PIGZ: variants seen among roughly 807,000 people sequenced by gnomAD.
The protein encoded by PIGZ is GPI alpha-1,2-mannosyltransferase 4.
In PIGZ, 16 loss-of-function variants were observed where a neutral mutation model predicts 16.4. That is an observed-to-expected ratio of 0.97 (90% CI 0.66 to 1.48). The LOEUF is 1.48. Ranked by LOEUF, PIGZ falls within the 40% of genes most tolerant of loss-of-function variation. The probability of loss-of-function intolerance (pLI) is 0.00; values close to 1 mark genes in which losing one functional copy is unlikely to be tolerated. For synonymous variants in PIGZ, 409 were observed against 338.4 expected (o/e 1.21, Z -2.29); for missense variants, 770 against 739.2 (o/e 1.04, Z -0.48).
chr3:196,967,052 C>T (rs1367242870), intron 1 of PIGZ, among the ~76,000 whole-genome samples: 1 of 151,716 alleles, frequency 6.6e-6, no homozygotes, highest in Non-Finnish European at 1.5e-5. Flanking sequence ...GGGCAAGCAG[C>T]AGGGAGAGAC....
Position 196,948,228 on chromosome 3 carries a change from G to A in PIGZ, c.669C>T (p.Gly223=), listed in dbSNP as rs761692406. The change falls in exon 3 of 3, where the codon GGC becomes GGT. Residue 223 remains glycine, a synonymous_variant. Transcript: ENST00000412723. ...SWLLGGIVAA[G]FFNRPTFLAF... ...CCAGAAAGGTGGGCCGGTTGAAGAAGCCAGCAGCCACAATGCCTCCAAGAA... is the reference window on the plus strand; with the variant it reads ...CCAGAAAGGTGGGCCGGTTGAAGAAACCAGCAGCCACAATGCCTCCAAGAA... 6.2e-7 allele frequency: 1 copy of A among 1,614,156 alleles called. No homozygotes were observed. Among genetic ancestry groups the A allele is most frequent in the Non-Finnish European group, 8.5e-7 (1 of 1,180,024 alleles).
intron 1 of PIGZ, among the ~76,000 whole-genome samples, chr3:196,958,596 A>T (rs1284249570): frequency 2.0e-5 from 3 of 152,258 alleles, no homozygotes; most frequent in African/African-American, 7.2e-5. Context: ...GCGCCACTGC[A>T]CTCCAGCCTG....
At chr3:196,953,104 C>T (rs2108905789) in intron 1 of PIGZ, among the ~76,000 whole-genome samples, 1 of 152,332 alleles carries the variant, frequency 6.6e-6, no homozygotes, top group Middle Eastern at 3.4e-3. Flanking sequence ...GGGACTTCAC[C>T]AGCCCCCATA....
Position 196,947,833 on chromosome 3 carries a change from C to T in PIGZ, c.1064G>A (p.Arg355Lys), listed in dbSNP as rs1425742505. 4 of 1,611,874 alleles carry T rather than the reference C, an allele frequency of 2.5e-6. No individual in the cohort carries two copies. Among genetic ancestry groups the T allele is most frequent in the African/African-American group, 1.3e-5 (1 of 74,958 alleles). The change falls in exon 3 of 3, where the codon AGG becomes AAG. Residue 355 changes from arginine (R) to lysine (K), a missense_variant. Transcript: ENST00000412723. ...CAGCAGGCTCCGGGCACCCAGTGCC[C>T]TCAGGAGGCCCATTTGTGCAGAGGC... Reference protein sequence around the residue: ...LQASAQMGLLRALGARSLLSS... With the variant: ...LQASAQMGLLKALGARSLLSS...
In PIGZ at chr3:196,965,770, A is replaced by G. The variant is rs766620912; in HGVS notation, c.-1+2917T>C. On this transcript the variant is annotated intron_variant, in intron 1 of 2. Coordinates refer to ENST00000412723, the MANE Select transcript of PIGZ (RefSeq NM_025163.4). This position sits in a 1 kb window ranked among gnomAD's most constrained non-coding sequence, Gnocchi z 4.2. Reference sequence around the variant, plus strand: ...TTTGCAAACAGCCCCCTCCTTTGTTAACCAGTGTGTCATATAACAGCAATC... The same window carrying G: ...TTTGCAAACAGCCCCCTCCTTTGTTGACCAGTGTGTCATATAACAGCAATC... 1.4e-4 allele frequency among the ~76,000 whole-genome samples: 21 copies of G among 152,066 alleles called. No individual in the cohort carries two copies. Among genetic ancestry groups the G allele is most frequent in the Non-Finnish European group, 2.8e-4 (19 of 68,024 alleles).
chr3:196,954,980 CA>C (rs1717422358), intron 1 of PIGZ, among the ~76,000 whole-genome samples: 1 of 151,942 alleles, frequency 6.6e-6, no homozygotes, highest in Admixed American at 6.6e-5. Context: ...GTCTGGAGTG[CA>C]GTGGCACGAT....
chr3:196,964,312 G>A (rs1717840798), intron 1 of PIGZ, among the ~76,000 whole-genome samples: 1 of 152,094 alleles, frequency 6.6e-6, no homozygotes, highest in South Asian at 2.1e-4. Flanking sequence ...GCCTCCCAAA[G>A]TGCTGGGATT....
intron 2 of PIGZ, 142 bp from the exon 3 acceptor site, chr3:196,948,827 T>C: frequency 2.3e-6 from 1 of 435,456 alleles, no homozygotes; most frequent in Admixed American, 4.3e-5. Flanking sequence ...GGATTTTTCC[T>C]CCCTTCCCTC....
Position 196,948,155 on chromosome 3 carries a change from T to G in PIGZ, c.742A>C (p.Asn248His). The change falls in exon 3 of 3, where the codon AAC (asparagine) becomes CAC (histidine). Residue 248 changes from asparagine to histidine, a missense_variant. Transcript: ENST00000412723. ...LYLWGTRGAT[N>H]PGLKSLTREA... is the part of the protein sequence containing the mutation. The stretch of plus-strand genomic sequence containing the variant: ...CGGGTCAGAGACTTCAAACCAGGGT[T>G]TGTGGCTCCACGAGTGCCCCAGAGG... 2 of 1,612,144 alleles carry G rather than the reference T, an allele frequency of 1.2e-6. No homozygotes were observed. Among genetic ancestry groups the G allele is most frequent in the Non-Finnish European group, 1.7e-6 (2 of 1,178,812 alleles).
rs985733054 is a variant in PIGZ at position 196,947,935 on chromosome 3, T to C, written c.962A>G (p.Asn321Ser). 6.2e-7 allele frequency: 1 copy of C among 1,613,624 alleles called. No individual in the cohort carries two copies. Among genetic ancestry groups the C allele is most frequent in the Non-Finnish European group, 8.5e-7 (1 of 1,179,792 alleles). ...CAGCACCCCGAAGAGCAGGAAGCCG[T>C]TGACTGCCAGGTGAGTGAGCCGCGC... ...THARLTHLAV[N>S]GFLLFGVLHA... Residue 321 changes from asparagine to serine, a missense_variant, in exon 3 of 3, where the codon AAC becomes AGC. Transcript: ENST00000412723.
chr3:196,952,107 G>T, intron 1 of PIGZ, 76 bp from the exon 2 acceptor site: 1 of 1,320,608 alleles, frequency 7.6e-7, no homozygotes. Flanking sequence ...ACTGAAAATG[G>T]ATCTGTCATT....
In PIGZ at chr3:196,965,151, C is replaced by T. The variant is rs569730539; in HGVS notation, c.-1+3536G>A. Among the ~76,000 whole-genome samples the T allele has an allele frequency of 3.3e-5, 5 of 152,320 alleles. No homozygotes were observed. In the South Asian group the frequency reaches 1.0e-3, roughly 32 times the overall value. On this transcript the variant is annotated intron_variant, in intron 1 of 2. Coordinates refer to ENST00000412723, the MANE Select transcript of PIGZ (RefSeq NM_025163.4). The surrounding 1 kb of genome is among the most constrained non-coding windows in gnomAD (Gnocchi z 4.2). ...CCAATTTACTGTGTTAATCTATTCT[C>T]ACACTGCTATAAAGAACTGCCCAAG...
intron 1 of PIGZ, among the ~76,000 whole-genome samples, chr3:196,963,107 C>T (rs907723788): frequency 9.9e-5 from 15 of 152,212 alleles, no homozygotes; most frequent in Admixed American, 2.0e-4. Context: ...TTTCGTGGTT[C>T]GTCCGTGTTG....
chr3:196,947,298 C>T lies in PIGZ; in HGVS notation c.1599G>A (p.Lys533=), dbSNP rs373904534. The change falls in exon 3 of 3, where the codon AAG becomes AAA. Residue 533 remains lysine, a synonymous_variant. Coordinates refer to ENST00000412723, the MANE Select transcript of PIGZ (RefSeq NM_025163.4). ...TPGTTRRAVE[K]CSFPFKNETL... ...TTTCATTCTTGAAGGGGAAGCTGCA[C>T]TTCTCCACGGCACGCCTGGTGGTGC... 43 of 1,614,068 alleles carry T rather than the reference C, an allele frequency of 2.7e-5. No homozygotes were observed. Among genetic ancestry groups the T allele is most frequent in the South Asian group, 6.6e-5 (6 of 91,084 alleles).
intron 2 of PIGZ, among the ~76,000 whole-genome samples, chr3:196,949,360 A>G (rs1717170740): frequency 6.6e-6 from 1 of 152,194 alleles, no homozygotes; most frequent in Non-Finnish European, 1.5e-5. Flanking sequence ...AGCTGGACGC[A>G]GAAGTGGCAG....
At position 196,949,019 on chromosome 3, in the gene PIGZ, CCCTT is replaced by C. The variant is rs1560181608; in HGVS notation, c.212-338_212-335del. ...CCCTTTACTTCTCTTTCCCTCCCCT[CCCTT>C]CCCTTCCTTCCCTTCCTTCCTTCCC... On this transcript the variant is annotated intron_variant, in intron 2 of 2. Transcript: ENST00000412723. Among the ~76,000 whole-genome samples, 39 of 62,398 alleles carry C rather than the reference CCCTT, an allele frequency of 6.3e-4. 5 individuals are homozygous for C. Among genetic ancestry groups the C allele is most frequent in the African/African-American group, 4.8e-3 (33 of 6,822 alleles). The allele number at this position is 62,398 out of a possible 152,430, so 40.9% of individuals were successfully genotyped here.
Position 196,948,092 on chromosome 3 carries a change from C to A in PIGZ, c.805G>T (p.Ala269Ser). The A allele has an allele frequency of 6.3e-7, 1 of 1,590,942 alleles. No individual in the cohort carries two copies. Residue 269 changes from alanine to serine, a missense_variant, in exon 3 of 3, where the codon GCA (alanine) becomes TCA (serine). Transcript: ENST00000412723. ...CTGTCCGTGGCCACAAACACCGCTG[C>A]TGTGAGGGCTGCCCCAGGGAGCAGC... ...LVLLPGAALT[A>S]AVFVATDSWY...
Position 196,946,936 on chromosome 3 carries a change from T to C in PIGZ, c.*221A>G. ...TCACTTAACCTGGTCTTTGGGGACCTTGACATCAAGACCGACAGGTCAAAT... is the reference window on the plus strand; with the variant it reads ...TCACTTAACCTGGTCTTTGGGGACCCTGACATCAAGACCGACAGGTCAAAT... On this transcript the variant is annotated 3_prime_UTR_variant, in exon 3 of 3. Transcript: ENST00000412723. The C allele has an allele frequency of 4.1e-6, 2 of 484,416 alleles. No homozygotes were observed. Among genetic ancestry groups the C allele is most frequent in the Middle Eastern group, 5.3e-4 (1 of 1,900 alleles). The allele number at this position is 484,416 out of a possible 1,614,324, so 30.0% of individuals were successfully genotyped here.
Position 196,967,729 on chromosome 3 carries a change from G to C in PIGZ, c.-1+958C>G, listed in dbSNP as rs1490897878. Among the ~76,000 whole-genome samples the C allele has an allele frequency of 3.9e-5, 6 of 152,166 alleles. No homozygotes were observed. The East Asian group carries it at 9.6e-4, about 24-fold the overall frequency. On this transcript the variant is annotated intron_variant, in intron 1 of 2. Transcript: ENST00000412723. The stretch of plus-strand genomic sequence containing the variant: ...AGCACGGGAAGATCTGATGCTGGCC[G>C]CCTTCTTCCTTCGGTTGCCTGAAAG...
Sources: gnomAD v4.1 joint callset for allele counts (sites outside exome capture counted in the v4.1 genomes callset) on GRCh38, gnomAD v4.1.1 for gene constraint, Gnocchi (gnomAD v3.1) non-coding constraint, MANE v1.5 for transcripts, NCBI Gene and HGNC (gene_info 2026-07-23, HGNC 2026-07-21) for gene names.